Variants in CENPN observed in about 807,000 individuals in gnomAD.
CENPN encodes interphase centromere complex protein 32.
A neutral mutation model predicts 48.6 loss-of-function variants in CENPN; 36 were observed. The observed-to-expected ratio is 0.74, with a 90% CI of 0.57 to 0.98. The LOEUF is 0.98. CENPN is among the 50% of genes least tolerant of loss of function. The probability of loss-of-function intolerance (pLI) is 0.00; values close to 1 mark genes in which losing one functional copy is unlikely to be tolerated. For missense variants in CENPN, 439 were observed against 399.2 expected (o/e 1.10, Z -0.85); for synonymous variants, 166 against 135.2 (o/e 1.23, Z -1.58).
chr16:81,020,281 G>A lies in CENPN; in HGVS notation c.531+5G>A, dbSNP rs1468989328. 2 of 1,603,328 alleles carry A rather than the reference G, an allele frequency of 1.2e-6. No individual in the cohort carries two copies. The highest frequency in any genetic ancestry group is 2.2e-5 in the East Asian group (1 of 44,828). On this transcript the variant is annotated splice_donor_5th_base_variant and intron_variant, in intron 6 of 10. Coordinates refer to ENST00000305850, the MANE Select transcript of CENPN (RefSeq NM_001100624.3). ...AATACACCGCTTCTGGGTCAGGTAT[G>A]GAAAAAATTATTACAAGCTATAATA...
rs1365857803 is a variant in CENPN, at chr16:81,030,470, C to A, written c.*1819C>A. 3 of 895,824 alleles carry A rather than the reference C, an allele frequency of 3.3e-6. No homozygotes were observed. Among genetic ancestry groups the A allele is most frequent in the Non-Finnish European group, 4.0e-6 (3 of 748,348 alleles). 55.5% of individuals were successfully genotyped at this position (895,824 alleles called of 1,614,324 possible). ...ATAGAAAAATGACTTCACTCTGGGC[C>A]GGGTGTAGTGGCTCACGCCTGTAAT... is the stretch of plus-strand genomic sequence containing the variant. On this transcript the variant is annotated 3_prime_UTR_variant, in exon 11 of 11. Coordinates refer to ENST00000305850, the MANE Select transcript of CENPN (RefSeq NM_001100624.3).
chr16:81,021,546 G>T (rs1970201979), intron 6 of CENPN, among the ~76,000 whole-genome samples: 1 of 152,140 alleles, frequency 6.6e-6, no homozygotes. Flanking sequence ...GACCAGGCGA[G>T]CCCTAGGTAG....
intron 3 of CENPN, among the ~76,000 whole-genome samples, chr16:81,016,499 C>T (rs769878398): frequency 2.0e-5 from 3 of 152,202 alleles, no homozygotes; most frequent in Non-Finnish European, 4.4e-5. Context: ...CGATGGCTCA[C>T]GCCTGTAATC....
At chr16:81,019,285 C>T (rs932833912) in intron 5 of CENPN, among the ~76,000 whole-genome samples, 28 of 151,796 alleles carry the variant, frequency 1.8e-4, no homozygotes, top group African/African-American at 6.1e-4. Flanking sequence ...GACATGATCT[C>T]GGCTCACTAT....
chr16:81,008,997 G>C (rs919925181), intron 1 of CENPN, among the ~76,000 whole-genome samples: 1 of 152,174 alleles, frequency 6.6e-6, no homozygotes, highest in African/African-American at 2.4e-5. Context: ...ACTTGAGCTT[G>C]GGAGTTCAAG....
intron 6 of CENPN, among the ~76,000 whole-genome samples, chr16:81,021,986 C>T (rs1342016574): frequency 6.6e-6 from 1 of 152,026 alleles, no homozygotes; most frequent in African/African-American, 2.4e-5. Context: ...CTCAAACTCC[C>T]GACTTCAAGT....
chr16:81,025,295 T>C (rs544271074), intron 8 of CENPN, among the ~76,000 whole-genome samples: 2 of 152,322 alleles, frequency 1.3e-5, no homozygotes, highest in South Asian at 4.1e-4. Context: ...CACAGATGTC[T>C]GAAGTCTCTC....
At chr16:81,014,965 C>T in intron 3 of CENPN, among the ~76,000 whole-genome samples, 1 of 152,258 alleles carries the variant, frequency 6.6e-6, no homozygotes, top group African/African-American at 2.4e-5. Context: ...GATGATTTTG[C>T]TCAACTGTAG....
In CENPN at chr16:81,026,185, G is replaced by A. The variant is rs12929086; in HGVS notation, c.698-341G>A. Among the ~76,000 whole-genome samples, 236 of 141,312 alleles carry A rather than the reference G, an allele frequency of 1.7e-3. 1 individual carries two copies. Among genetic ancestry groups the A allele is most frequent in the African/African-American group, 6.4e-3 (230 of 36,012 alleles). 92.7% of individuals were successfully genotyped at this position (141,312 alleles called of 152,430 possible). A position where few individuals can be genotyped will look rare whatever the true frequency, so the allele number is the denominator to read the frequency against. The stretch of plus-strand genomic sequence containing the variant: ...TATATATGTGTATATATATGTGTGT[G>A]TATATATATGTATATATATGTGTGT... On this transcript the variant is annotated intron_variant, in intron 8 of 10. Transcript: ENST00000305850.
At chr16:81,011,542 AAATACTCTAGCCAGAAAAGG>A in intron 1 of CENPN, among the ~76,000 whole-genome samples, 1 of 152,362 alleles carries the variant, frequency 6.6e-6, no homozygotes, top group African/African-American at 2.4e-5. Context: ...CAAAACATCA[AAATACTCTAGCCAGAAAAGG>A]AGAGATAGCA....
intron 1 of CENPN, among the ~76,000 whole-genome samples, chr16:81,009,445 G>C (rs1468625148): frequency 1.3e-5 from 2 of 152,160 alleles, no homozygotes; most frequent in Non-Finnish European, 2.9e-5. Flanking sequence ...GAAAACCAAG[G>C]AGAGGGAAGC....
At chr16:81,018,205 C>T (rs963723194) in intron 5 of CENPN, among the ~76,000 whole-genome samples, 2 of 151,168 alleles carry the variant, frequency 1.3e-5, no homozygotes, top group Admixed American at 6.6e-5. Context: ...GAGACAGAGT[C>T]TTACTCTGTT....
intron 1 of CENPN, among the ~76,000 whole-genome samples, chr16:81,007,971 G>A (rs1044896451): frequency 6.6e-6 from 1 of 152,052 alleles, no homozygotes; most frequent in Non-Finnish European, 1.5e-5. Context: ...ACCGGACGTG[G>A]TATCGGGTGC....
chr16:81,025,693 T>C (rs990973305), intron 8 of CENPN, among the ~76,000 whole-genome samples: 4 of 1,304 alleles, frequency 3.1e-3, no homozygotes, highest in African/African-American at 4.4e-3. Context: ...CTGTCTCTCT[T>C]TTTTTTTTTT....
rs1285984045 is a variant in CENPN, at chr16:81,031,368, G to C, written c.*2717G>C. The C allele has an allele frequency of 6.6e-6, 1 of 152,110 alleles. No individual in the cohort carries two copies. Among genetic ancestry groups the C allele is most frequent in the Admixed American group, 6.5e-5 (1 of 15,270 alleles). 9.4% of individuals were successfully genotyped at this position (152,110 alleles called of 1,614,324 possible). On this transcript the variant is annotated 3_prime_UTR_variant, in exon 11 of 11. Coordinates refer to ENST00000305850, the MANE Select transcript of CENPN (RefSeq NM_001100624.3). ...TTGTCAACTTGTCTAATCACCCTCA[G>C]CTTTTTTTAAAAACCCCTCCTCTAC...
intron 6 of CENPN, chr16:81,022,390 C>A (rs1970255648): frequency 2.0e-6 from 1 of 507,790 alleles, no homozygotes; most frequent in Non-Finnish European, 3.5e-6. Context: ...AGAAATGATA[C>A]AAAAGACTGC....
chr16:81,007,886 C>A (rs1969521163), intron 1 of CENPN, among the ~76,000 whole-genome samples: 1 of 152,144 alleles, frequency 6.6e-6, no homozygotes, highest in African/African-American at 2.4e-5. Flanking sequence ...GTGGGCGGAT[C>A]ACCTTAGGTC....
intron 8 of CENPN, among the ~76,000 whole-genome samples, chr16:81,026,157 G>GTA (rs200696178): frequency 5.8e-5 from 8 of 136,912 alleles, no homozygotes; most frequent in African/African-American, 1.6e-4. Context: ...ATATATATGT[G>GTA]TATATATATG....
intron 6 of CENPN, 44 bp from the exon 7 acceptor site, chr16:81,022,553 G>T: frequency 1.4e-6 from 2 of 1,479,084 alleles, no homozygotes; most frequent in Non-Finnish European, 1.9e-6. Flanking sequence ...TATAAACACA[G>T]AGGCAGTAAT....
Sources: allele counts gnomAD v4.1 joint callset (sites outside exome capture counted in the v4.1 genomes callset), GRCh38; gene constraint gnomAD v4.1.1; transcripts MANE v1.5; gene names NCBI Gene and HGNC (gene_info 2026-07-23, HGNC 2026-07-21).